AHCTF1: variants seen among roughly 807,000 people sequenced by gnomAD.
AHCTF1 encodes the protein AT-hook containing transcription factor 1.
In AHCTF1, 24 loss-of-function variants were observed where a neutral mutation model predicts 248.4. The observed-to-expected ratio is 0.10, with a 90% CI of 0.07 to 0.14. The LOEUF (loss-of-function observed/expected upper bound fraction) is 0.14. AHCTF1 is among the 10% of genes least tolerant of loss of function. The pLI, the probability that AHCTF1 is intolerant of heterozygous loss-of-function variation, is 1.00. For synonymous variants in AHCTF1, 786 were observed against 929.8 expected (o/e 0.85, Z 2.81); for missense variants, 2,206 against 2,636.2 (o/e 0.84, Z 3.57).
chr1:246,860,821 A>T (rs1184301667), intron 29 of AHCTF1, 78 bp downstream of exon 29: 1 of 1,529,910 alleles, frequency 6.5e-7, no homozygotes, highest in Non-Finnish European at 8.8e-7. Context: ...TGCTTTTCTT[A>T]TGGTGGAAAA....
Position 246,877,025 on chromosome 1 carries a change from A to C in AHCTF1, c.2862T>G (p.Leu954=). ...TGGCACGCTGCAAATGGTGCACTAA[A>C]AGGAATTCATGATTCTGAACGCTGG... is the stretch of plus-strand genomic sequence containing the variant. ...SSASVQNHEF[L]LVHHLQRANY... Residue 954 remains leucine, a synonymous_variant, in exon 23 of 36, where the codon CTT becomes CTG. Coordinates refer to ENST00000648844, the MANE Select transcript of AHCTF1 (RefSeq NM_001323342.2). 2.5e-6 allele frequency: 4 copies of C among 1,612,182 alleles called. No individual in the cohort carries two copies. The highest frequency in any genetic ancestry group is 3.4e-6 in the Non-Finnish European group (4 of 1,179,970).
At position 246,839,658 on chromosome 1, in the gene AHCTF1, C is replaced by T; in HGVS notation, c.*1148G>A. 1 of 700,580 alleles carries T rather than the reference C, an allele frequency of 1.4e-6. No homozygotes were observed. Among genetic ancestry groups the T allele is most frequent in the Non-Finnish European group, 1.8e-6 (1 of 569,400 alleles). The allele number at this position is 700,580 out of a possible 1,614,324, so 43.4% of individuals were successfully genotyped here. On this transcript the variant is annotated 3_prime_UTR_variant, in exon 36 of 36. Transcript: ENST00000648844. ...TGCAGAAAGCACACTGCATATGCTT[C>T]ACATTAAAATATTAAAAGCCCACGA...
intron 1 of AHCTF1, among the ~76,000 whole-genome samples, chr1:246,929,420 A>T (rs1191696881): frequency 6.6e-6 from 1 of 151,776 alleles, no homozygotes; most frequent in Non-Finnish European, 1.5e-5. Context: ...AAAAAATAAA[A>T]ATAAAAATAA....
Position 246,851,119 on chromosome 1 carries a change from A to G in AHCTF1, c.4887T>C (p.Ser1629=). ...NTATEEKLVC[S]GENDNHGQIA... The stretch of plus-strand genomic sequence containing the variant: ...TTTGTCCATGATTATCATTTTCCCC[A>G]CTGCATACAAGTTTTTCTTCAGTTG... Residue 1629 remains serine (S), a synonymous_variant, in exon 33 of 36, where the codon AGT becomes AGC. Coordinates refer to ENST00000648844, the MANE Select transcript of AHCTF1 (RefSeq NM_001323342.2). The G allele has an allele frequency of 6.2e-7, 1 of 1,613,844 alleles. No individual in the cohort carries two copies. Among genetic ancestry groups the G allele is most frequent in the African/African-American group, 1.3e-5 (1 of 74,992 alleles).
At chr1:246,876,378 C>A (rs1662967188) in intron 23 of AHCTF1, among the ~76,000 whole-genome samples, 191 bp from the exon 24 acceptor site, 1 of 152,152 alleles carries the variant, frequency 6.6e-6, no homozygotes, top group African/African-American at 2.4e-5. Flanking sequence ...TCAATAAATT[C>A]CAAATCTCGC....
At chr1:246,867,444 A>G in intron 25 of AHCTF1, 93 bp from the exon 26 acceptor site, 1 of 1,024,810 alleles carries the variant, frequency 9.8e-7, no homozygotes. Context: ...CATTCGTTTT[A>G]CTTTGTACAG....
chr1:246,864,846 CAAAAAAAAAAAAAAAAAAAAAAAAAA>C lies in AHCTF1; in HGVS notation c.3348-756_3348-731del, dbSNP rs139015537. Among the ~76,000 whole-genome samples the C allele has an allele frequency of 4.0e-3, 9 of 2,260 alleles. 3 individuals carry two copies. The highest frequency in any genetic ancestry group is 0.033 in the African/African-American group (2 of 60). The allele number at this position is 2,260 out of a possible 152,430, so 1.5% of individuals were successfully genotyped here. ...TGGGCGACAGAGCGAGACTCCGTCTCAAAAAAAAAAAAAAAAAAAAAAAAAAAAAAAAAAAAAAAAAAAGACTAGAC... is the reference window on the plus strand; with the variant it reads ...TGGGCGACAGAGCGAGACTCCGTCTCAAAAAAAAAAAAAAAAAGACTAGAC... On this transcript the variant is annotated intron_variant, in intron 26 of 35. Coordinates refer to ENST00000648844, the MANE Select transcript of AHCTF1 (RefSeq NM_001323342.2).
rs1163286976 is a variant in AHCTF1 at position 246,900,463 on chromosome 1, G to C, written c.1124C>G (p.Ser375Trp). The C allele has an allele frequency of 6.3e-7, 1 of 1,585,964 alleles. No homozygotes were observed. Among genetic ancestry groups the C allele is most frequent in the South Asian group, 1.2e-5 (1 of 84,528 alleles). Residue 375 changes from serine (S) to tryptophan (W), a missense_variant, in exon 9 of 36, where the codon TCG becomes TGG. Physicochemically the swap from Ser to Trp is radical, Grantham distance 177 (BLOSUM62 -3). This residue lies in a region of AHCTF1 where 650 missense variants were observed against 870.8 expected (regional missense o/e 0.75). Coordinates refer to ENST00000648844, the MANE Select transcript of AHCTF1 (RefSeq NM_001323342.2). ...DREEGVNEALSPDTSVSVFTW... is the reference protein window; with the variant it reads ...DREEGVNEALWPDTSVSVFTW... ...AAAGACTGAAACACTAGTGTCAGGC[G>C]ATAGAGCTGGAAGAAAAAGATAATT...
intron 24 of AHCTF1, among the ~76,000 whole-genome samples, chr1:246,871,100 T>C (rs1662562942): frequency 6.6e-6 from 1 of 152,162 alleles, no homozygotes; most frequent in Admixed American, 6.5e-5. Flanking sequence ...CTTACCCAAA[T>C]GCTAGGACCA....
At chr1:246,843,719 AT>A in intron 34 of AHCTF1, 75 bp downstream of exon 34, 1 of 1,007,678 alleles carries the variant, frequency 9.9e-7, no homozygotes. Context: ...TTTAAATAAA[AT>A]AATTTTATTA....
At chr1:246,894,040 C>T (rs936001220) in intron 14 of AHCTF1, among the ~76,000 whole-genome samples, 17 of 151,858 alleles carry the variant, frequency 1.1e-4, no homozygotes, top group African/African-American at 3.9e-4. Flanking sequence ...CATGTCTCTA[C>T]AAAAAATACA....
intron 11 of AHCTF1, 50 bp from the exon 12 acceptor site, chr1:246,898,386 T>C (rs1432312875): frequency 3.2e-6 from 5 of 1,540,200 alleles, no homozygotes; most frequent in Non-Finnish European, 4.4e-6. Context: ...ATTTGAATAA[T>C]CAAATTTAAG....
chr1:246,904,099 G>C, intron 6 of AHCTF1, 66 bp from the exon 7 acceptor site: 1 of 1,392,128 alleles, frequency 7.2e-7, no homozygotes, highest in African/African-American at 1.4e-5. Flanking sequence ...TACTGTCCAA[G>C]TAAGTTTAGT....
chr1:246,850,496 G>A lies in AHCTF1; in HGVS notation c.5510C>T (p.Thr1837Ile). ...TTTTAATCTTTTTGATTCCCTACCT[G>A]TAGTGATCTGTAATTCTTGTTCCAC... ...SSVEQELQITTGRESKRLKSS... is the reference protein window; with the variant it reads ...SSVEQELQITIGRESKRLKSS... Residue 1837 changes from threonine (T) to isoleucine (I), a missense_variant, in exon 33 of 36, where the codon ACA (threonine) becomes ATA (isoleucine). Coordinates refer to ENST00000648844, the MANE Select transcript of AHCTF1 (RefSeq NM_001323342.2). 3 of 1,601,354 alleles carry A rather than the reference G, an allele frequency of 1.9e-6. No homozygotes were observed. The highest frequency in any genetic ancestry group is 1.1e-5 in the South Asian group (1 of 89,232).
At position 246,849,721 on chromosome 1, in the gene AHCTF1, G is replaced by A; in HGVS notation, c.6285C>T (p.Arg2095=). 2 of 1,613,992 alleles carry A rather than the reference G, an allele frequency of 1.2e-6. No homozygotes were observed. The highest frequency in any genetic ancestry group is 1.7e-6 in the Non-Finnish European group (2 of 1,179,866). Residue 2095 remains arginine, a synonymous_variant, in exon 33 of 36, where the codon CGC becomes CGT. Transcript: ENST00000648844. ...LATASFTKSS[R]SSRTRSSKAI... ...CCTTGCTAGACCGAGTCCTGCTGCT[G>A]CGGGATGATTTAGTGAAGGAAGCTG...
chr1:246,891,728 T>C, intron 15 of AHCTF1, 51 bp downstream of exon 15: 1 of 1,583,342 alleles, frequency 6.3e-7, no homozygotes, highest in Non-Finnish European at 8.6e-7. Context: ...TTTCTCTTAG[T>C]CAAGAAGTAA....
intron 1 of AHCTF1, among the ~76,000 whole-genome samples, chr1:246,929,043 G>A (rs1667141942): frequency 6.6e-6 from 1 of 152,124 alleles, no homozygotes; most frequent in Non-Finnish European, 1.5e-5. Flanking sequence ...CAGACACAAA[G>A]AATAAATGCT....
rs746328158 is a variant in AHCTF1, at chr1:246,843,930, TAAAA to T, written c.6392-6_6392-3del. The T allele has an allele frequency of 1.4e-6, 2 of 1,437,588 alleles. No individual in the cohort carries two copies. The highest frequency in any genetic ancestry group is 2.9e-5 in the African/African-American group (2 of 68,390). The allele number at this position is 1,437,588 out of a possible 1,614,324, so 89.1% of individuals were successfully genotyped here. On this transcript the variant is annotated splice_polypyrimidine_tract_variant and splice_region_variant and intron_variant, in intron 33 of 35. Coordinates refer to ENST00000648844, the MANE Select transcript of AHCTF1 (RefSeq NM_001323342.2). The stretch of plus-strand genomic sequence containing the variant: ...GTGCAGGAACCTCTATTTTTTTAGC[TAAAA>T]AAAGTTGAAAAAACTGTATCTGTAT...
intron 28 of AHCTF1, among the ~76,000 whole-genome samples, 173 bp from the exon 29 acceptor site, chr1:246,861,468 A>G (rs1024661184): frequency 6.6e-6 from 1 of 152,214 alleles, no homozygotes; most frequent in Non-Finnish European, 1.5e-5. Context: ...GTAAAAGTTA[A>G]TGGTGGCTAA....
Sources: gnomAD v4.1 joint callset for allele counts (sites outside exome capture counted in the v4.1 genomes callset) on GRCh38, gnomAD v4.1.1 for gene constraint, gnomAD v4.1.1 regional missense constraint, MANE v1.5 for transcripts, NCBI Gene and HGNC (gene_info 2026-07-23, HGNC 2026-07-21) for gene names.